Variants in BACH2 observed in about 807,000 individuals in gnomAD.
The protein encoded by BACH2 is transcription regulator protein BACH2.
Under a neutral mutation model 61.8 loss-of-function variants are expected in BACH2, and 5 were observed. That is an observed-to-expected ratio of 0.08 (90% confidence interval 0.04 to 0.17). The LOEUF is 0.17. Ranked by LOEUF, BACH2 falls within the 10% of genes least tolerant of loss-of-function variation. The pLI, the probability that BACH2 is intolerant of heterozygous loss-of-function variation, is 1.00. For missense variants in BACH2, 824 were observed against 1,091.1 expected (o/e 0.76, Z 3.45); for synonymous variants, 446 against 440.1 (o/e 1.01, Z -0.17).
intron 5 of BACH2, among the ~76,000 whole-genome samples, chr6:90,029,755 C>G (rs1778854933): frequency 6.6e-6 from 1 of 152,220 alleles, no homozygotes; most frequent in Non-Finnish European, 1.5e-5. Flanking sequence ...TGTTTCTTCA[C>G]ACATATCCCT....
intron 6 of BACH2, among the ~76,000 whole-genome samples, chr6:89,966,462 T>C (rs948376917): frequency 6.6e-6 from 1 of 152,192 alleles, no homozygotes; most frequent in Non-Finnish European, 1.5e-5. Flanking sequence ...GGACAATGGC[T>C]GCCCTGAAGC....
At chr6:90,160,050 TCAA>T (rs1313427446) in intron 4 of BACH2, among the ~76,000 whole-genome samples, 8 of 152,220 alleles carry the variant, frequency 5.3e-5, no homozygotes, top group African/African-American at 1.9e-4. Context: ...TTCTCTAAAT[TCAA>T]CATAAGCTTG....
chr6:90,098,476 C>G (rs1782474924), intron 4 of BACH2, among the ~76,000 whole-genome samples: 1 of 152,208 alleles, frequency 6.6e-6, no homozygotes, highest in African/African-American at 2.4e-5. Flanking sequence ...ATCTATCACA[C>G]AGCCAGAAAA....
At chr6:90,209,052 G>A (rs371290984) in intron 3 of BACH2, among the ~76,000 whole-genome samples, 34 of 151,372 alleles carry the variant, frequency 2.2e-4, no homozygotes, top group African/African-American at 6.6e-4. Context: ...AGGGCCTGTC[G>A]GGGGGTGGGG....
chr6:90,213,598 G>C (rs977448568), intron 3 of BACH2, among the ~76,000 whole-genome samples: 4 of 152,176 alleles, frequency 2.6e-5, no homozygotes, highest in Non-Finnish European at 5.9e-5. Flanking sequence ...TTTTTGGCAA[G>C]TTACTGGCTC....
At chr6:90,247,957 T>A (rs372252201) in intron 3 of BACH2, among the ~76,000 whole-genome samples, 1 of 152,252 alleles carries the variant, frequency 6.6e-6, no homozygotes, top group Non-Finnish European at 1.5e-5. Flanking sequence ...TACTCTCTTA[T>A]ATGTTATACT....
At chr6:90,268,680 T>C (rs1304230388) in intron 2 of BACH2, among the ~76,000 whole-genome samples, 2 of 152,104 alleles carry the variant, frequency 1.3e-5, no homozygotes. Flanking sequence ...CATGACATAC[T>C]GGAAATTAAA....
At chr6:90,077,329 G>C (rs1410715726) in intron 5 of BACH2, among the ~76,000 whole-genome samples, 1 of 152,170 alleles carries the variant, frequency 6.6e-6, no homozygotes, top group Admixed American at 6.6e-5. Context: ...GGGAACAGAA[G>C]CTGTATCTGC....
At chr6:90,272,311 T>G (rs1771551603) in intron 1 of BACH2, among the ~76,000 whole-genome samples, 1 of 152,116 alleles carries the variant, frequency 6.6e-6, no homozygotes, top group Admixed American at 6.5e-5. Flanking sequence ...CGCCTGTTTC[T>G]TTTATGGTTT....
chr6:89,996,974 T>C (rs966496114), intron 6 of BACH2, among the ~76,000 whole-genome samples: 3 of 151,022 alleles, frequency 2.0e-5, no homozygotes, highest in Non-Finnish European at 4.4e-5. Context: ...TTTTGTCTTA[T>C]TAAGCATCTG....
intron 2 of BACH2, among the ~76,000 whole-genome samples, chr6:90,268,924 T>G (rs1181906203): frequency 6.6e-6 from 1 of 152,142 alleles, no homozygotes. Context: ...CCATTCTAGG[T>G]AAATAATTAA....
chr6:90,199,404 T>C (rs148280653), intron 4 of BACH2, among the ~76,000 whole-genome samples: 11 of 152,322 alleles, frequency 7.2e-5, no homozygotes, highest in Non-Finnish European at 1.5e-4. Context: ...TTCATACATA[T>C]TTACACACAC....
chr6:90,152,729 T>C lies in BACH2; in HGVS notation c.-162+53840A>G, dbSNP rs1025403652. ...TTAATGCTTAAGTCACGTTATTTAG[T>C]GTTATTCATTCATCACAACTAAATA... On this transcript the variant is annotated intron_variant, in intron 4 of 8. Transcript: ENST00000257749. 2.0e-5 allele frequency among the ~76,000 whole-genome samples: 3 copies of C among 152,256 alleles called. 1 individual carries two copies. The highest frequency in any genetic ancestry group is 2.0e-4 in the Admixed American group (3 of 15,284).
chr6:90,011,523 T>G (rs142572735), intron 5 of BACH2, among the ~76,000 whole-genome samples: 179 of 152,354 alleles, frequency 1.2e-3, no homozygotes, highest in African/African-American at 4.1e-3. Context: ...ATTTTTATGT[T>G]TGTCTACTTT....
intron 5 of BACH2, among the ~76,000 whole-genome samples, chr6:90,060,514 T>C (rs1037930488): frequency 1.3e-5 from 2 of 152,180 alleles, no homozygotes; most frequent in African/African-American, 4.8e-5. Flanking sequence ...TGAGAGACCA[T>C]TGTTGTTCAC....
intron 2 of BACH2, among the ~76,000 whole-genome samples, chr6:90,271,450 C>T (rs764701108): frequency 2.0e-5 from 3 of 150,720 alleles, no homozygotes; most frequent in South Asian, 2.1e-4. Flanking sequence ...AAGTTCAGAG[C>T]TTGGAGATTC....
intron 4 of BACH2, among the ~76,000 whole-genome samples, chr6:90,146,442 T>C: frequency 6.6e-6 from 1 of 152,260 alleles, no homozygotes; most frequent in Admixed American, 6.5e-5. Context: ...TTCTATACGA[T>C]TCTGAGGCAC....
chr6:90,069,054 A>G (rs1410677326), intron 5 of BACH2, among the ~76,000 whole-genome samples: 1 of 151,722 alleles, frequency 6.6e-6, no homozygotes, highest in African/African-American at 2.4e-5. Context: ...TTACTCCCAC[A>G]TTTACTGAAC....
intron 3 of BACH2, among the ~76,000 whole-genome samples, chr6:90,225,016 T>G (rs2127857690): frequency 6.6e-6 from 1 of 152,200 alleles, no homozygotes; most frequent in Admixed American, 6.5e-5. Flanking sequence ...ATTCAACAAT[T>G]TACTGAGCAC....
Sources: gnomAD v4.1 joint callset for allele counts (sites outside exome capture counted in the v4.1 genomes callset) on GRCh38, gnomAD v4.1.1 for gene constraint, MANE v1.5 for transcripts, NCBI Gene and HGNC (gene_info 2026-07-23, HGNC 2026-07-21) for gene names.